Variants in CLMN observed in about 807,000 individuals in gnomAD.
CLMN encodes the protein calmin.
CLMN carries 57 observed loss-of-function variants against 92.7 expected under a neutral mutation model. That is an observed-to-expected ratio of 0.61 (90% confidence interval 0.50 to 0.77). The LOEUF (loss-of-function observed/expected upper bound fraction) is 0.77. Among genes scored for constraint, CLMN ranks in the 30% least tolerant of loss-of-function variants. The pLI, the probability that CLMN is intolerant of heterozygous loss-of-function variation, is 0.00. For synonymous variants in CLMN, 466 were observed against 470.6 expected, an observed-to-expected ratio of 0.99 and a Z score of 0.13; for missense variants, 1,158 against 1,237.5, an observed-to-expected ratio of 0.94 and a Z score of 0.96.
At chr14:95,292,003 C>T (rs936067244) in intron 1 of CLMN, among the ~76,000 whole-genome samples, 39 of 152,244 alleles carry the variant, frequency 2.6e-4, no homozygotes, top group African/African-American at 9.2e-4. Flanking sequence ...GTGTTCCTGG[C>T]ACTGTGCCAA....
intron 1 of CLMN, among the ~76,000 whole-genome samples, chr14:95,298,239 C>T (rs548914368): frequency 1.5e-4 from 23 of 152,108 alleles, no homozygotes; most frequent in African/African-American, 5.5e-4. Context: ...AGATTTTATA[C>T]CCCAGTGAAT....
intron 1 of CLMN, among the ~76,000 whole-genome samples, chr14:95,233,179 T>A (rs915588857): frequency 1.3e-5 from 2 of 151,936 alleles, no homozygotes; most frequent in African/African-American, 4.8e-5. Context: ...GAGAGCAAAG[T>A]ATATCCCCTG....
At chr14:95,245,265 AT>A (rs1268643499) in intron 1 of CLMN, among the ~76,000 whole-genome samples, 4 of 45,370 alleles carry the variant, frequency 8.8e-5, no homozygotes, top group African/African-American at 5.3e-4. Context: ...ATATATATAT[AT>A]ATATTATATA....
chr14:95,276,946 AT>A (rs56746791), intron 1 of CLMN, among the ~76,000 whole-genome samples: 4 of 149,634 alleles, frequency 2.7e-5, no homozygotes, highest in South Asian at 2.1e-4. Flanking sequence ...GAAAAAGATG[AT>A]TTTTTTTTTT....
At chr14:95,286,891 A>G (rs999680908) in intron 1 of CLMN, among the ~76,000 whole-genome samples, 4 of 152,196 alleles carry the variant, frequency 2.6e-5, no homozygotes, top group African/African-American at 9.7e-5. Flanking sequence ...GACCCCACAG[A>G]AAGTTTGCAT....
intron 4 of CLMN, among the ~76,000 whole-genome samples, chr14:95,217,292 T>A (rs990630147): frequency 1.3e-5 from 2 of 152,232 alleles, no homozygotes; most frequent in African/African-American, 2.4e-5. Flanking sequence ...CCTCTCTCTC[T>A]TCCCTTCATG....
chr14:95,309,642 G>A (rs1389891923), intron 1 of CLMN, among the ~76,000 whole-genome samples: 2 of 152,178 alleles, frequency 1.3e-5, no homozygotes, highest in African/African-American at 4.8e-5. Context: ...AAGCCTCCCC[G>A]AGTTCTCCAG....
intron 1 of CLMN, among the ~76,000 whole-genome samples, chr14:95,237,798 C>T (rs1427450835): frequency 6.6e-6 from 1 of 152,166 alleles, no homozygotes; most frequent in Non-Finnish European, 1.5e-5. Flanking sequence ...TCCCGAGATG[C>T]TTTACATGCA....
chr14:95,210,082 TGGCTCTGTC>T (rs1897153050), intron 7 of CLMN, among the ~76,000 whole-genome samples: 1 of 152,086 alleles, frequency 6.6e-6, no homozygotes, highest in South Asian at 2.1e-4. Flanking sequence ...AGACAGAGTC[TGGCTCTGTC>T]GCCCAGGCTG....
intron 9 of CLMN, among the ~76,000 whole-genome samples, chr14:95,201,703 A>C (rs1483966404): frequency 1.3e-5 from 2 of 151,840 alleles, no homozygotes; most frequent in South Asian, 4.2e-4. Flanking sequence ...GCCCGCATGC[A>C]TTAGATATTT....
At chr14:95,302,055 A>G (rs1356726158) in intron 1 of CLMN, among the ~76,000 whole-genome samples, 1 of 152,208 alleles carries the variant, frequency 6.6e-6, no homozygotes, top group Non-Finnish European at 1.5e-5. Flanking sequence ...CCCATCTCGA[A>G]AAAAGAAAGG....
At chr14:95,221,360 G>A (rs879762157) in intron 4 of CLMN, among the ~76,000 whole-genome samples, 1 of 152,078 alleles carries the variant, frequency 6.6e-6, no homozygotes, top group Non-Finnish European at 1.5e-5. Flanking sequence ...GGACATGCTC[G>A]CCATACTCTT....
intron 1 of CLMN, among the ~76,000 whole-genome samples, chr14:95,316,036 G>A (rs1901754311): frequency 6.6e-6 from 1 of 152,206 alleles, no homozygotes; most frequent in Non-Finnish European, 1.5e-5. Context: ...CAGAACTGGT[G>A]GAACACTGAG....
chr14:95,193,061 T>G, intron 12 of CLMN: 1 of 412,500 alleles, frequency 2.4e-6, no homozygotes. Context: ...TCTTGGGTGT[T>G]GGGTAATATT....
At position 95,308,832 on chromosome 14, in the gene CLMN, G is replaced by A. The variant is rs1248476455; in HGVS notation, c.82+10879C>T. ...AGTGTAGCCTGACAAGGAAGAAGCC[G>A]TGCGCACGCATGGGGGACCTTTTTC... On this transcript the variant is annotated intron_variant, in intron 1 of 12. Transcript: ENST00000298912. Among the ~76,000 whole-genome samples the A allele has an allele frequency of 3.9e-5, 6 of 152,352 alleles. No individual in the cohort carries two copies. In the East Asian group the frequency reaches 1.2e-3, roughly 29 times the overall value.
Position 95,294,023 on chromosome 14 carries a change from G to C in CLMN, c.82+25688C>G, listed in dbSNP as rs1900706868. 6.9e-5 allele frequency among the ~76,000 whole-genome samples: 4 copies of C among 57,786 alleles called. No individual in the cohort carries two copies. The Admixed American group carries it at 7.3e-4, about 11-fold the overall frequency. 37.9% of individuals were successfully genotyped at this position (57,786 alleles called of 152,430 possible). On this transcript the variant is annotated intron_variant, in intron 1 of 12. Transcript: ENST00000298912. This position sits in a 1 kb window ranked among gnomAD's most constrained non-coding sequence, Gnocchi z 4.2. ...CTGGCTGGAGGGTGACACCAAAGAG[G>C]AGGAGGAGGAGGAGGAGGCCAGAAG...
At chr14:95,234,191 C>T (rs1372002893) in intron 1 of CLMN, among the ~76,000 whole-genome samples, 1 of 152,198 alleles carries the variant, frequency 6.6e-6, no homozygotes, top group Non-Finnish European at 1.5e-5. Flanking sequence ...GCCTCCCTCA[C>T]AGGAATGCTA....
At chr14:95,301,852 C>T (rs1489832355) in intron 1 of CLMN, among the ~76,000 whole-genome samples, 2 of 152,236 alleles carry the variant, frequency 1.3e-5, no homozygotes, top group African/African-American at 2.4e-5. Context: ...AGACAATTCA[C>T]TTAGTACGTG....
intron 9 of CLMN, 55 bp from the exon 10 acceptor site, chr14:95,196,749 A>G: frequency 1.3e-6 from 2 of 1,547,806 alleles, no homozygotes; most frequent in East Asian, 4.5e-5. Context: ...AGTGTAAAGT[A>G]GGTGACATCA....
Sources: allele counts gnomAD v4.1 joint callset (sites outside exome capture counted in the v4.1 genomes callset), GRCh38; gene constraint gnomAD v4.1.1; non-coding constraint Gnocchi (gnomAD v3.1); transcripts MANE v1.5; gene names NCBI Gene and HGNC (gene_info 2026-07-23, HGNC 2026-07-21).